The following PCDH15 variants were observed in gnomAD, a reference collection of about 807,000 sequenced individuals.
PCDH15 encodes protocadherin related 15.
PCDH15 carries 129 observed loss-of-function variants against 178.5 expected under a neutral mutation model. The ratio of observed to expected loss-of-function variants is 0.72; its 90% CI spans 0.63 to 0.84. The LOEUF (loss-of-function observed/expected upper bound fraction) is 0.84. Ranked by LOEUF, PCDH15 falls within the 40% of genes least tolerant of loss-of-function variation. The probability of loss-of-function intolerance (pLI) is 0.00; values close to 1 mark genes in which losing one functional copy is unlikely to be tolerated. For missense variants in PCDH15, 2,230 were observed against 2,099.9 expected (o/e 1.06, Z -1.21); for synonymous variants, 800 against 732.0 (o/e 1.09, Z -1.50).
At chr10:54,522,075 G>C (rs187437257) in intron 3 of PCDH15, among the ~76,000 whole-genome samples, 1 of 107,958 alleles carries the variant, frequency 9.3e-6, no homozygotes, top group African/African-American at 3.7e-5. Context: ...GTGACAGAGT[G>C]AGAATCCATC....
chr10:54,553,151 C>T (rs1429846483), intron 2 of PCDH15, among the ~76,000 whole-genome samples: 2 of 152,094 alleles, frequency 1.3e-5, no homozygotes, highest in African/African-American at 4.8e-5. Flanking sequence ...TTTTTGATTA[C>T]AATGTATTCC....
At chr10:54,609,164 G>GTT (rs994843328) in intron 2 of PCDH15, among the ~76,000 whole-genome samples, 1 of 151,988 alleles carries the variant, frequency 6.6e-6, no homozygotes, top group African/African-American at 2.4e-5. Context: ...GAGCACTACT[G>GTT]TTTTTGCTCA....
At chr10:53,813,442 C>A (rs1305680067) in intron 35 of PCDH15, among the ~76,000 whole-genome samples, 3 of 152,168 alleles carry the variant, frequency 2.0e-5, no homozygotes, top group African/African-American at 7.2e-5. Flanking sequence ...AATATTTAGA[C>A]AAACCCACGA....
rs193260256 is a variant in PCDH15 at position 53,924,824 on chromosome 10, A to G, written c.3373+13991T>C. On this transcript the variant is annotated intron_variant, in intron 25 of 37. Coordinates refer to ENST00000644397, the MANE Select transcript of PCDH15 (RefSeq NM_001384140.1). ...TAAGGGACTGTAAATACACCAAATCAGCACTCTGTGTCTAGCTCAAGGTTT... is the reference window on the plus strand; with the variant it reads ...TAAGGGACTGTAAATACACCAAATCGGCACTCTGTGTCTAGCTCAAGGTTT... 3.7e-3 allele frequency among the ~76,000 whole-genome samples: 565 copies of G among 152,346 alleles called. 1 individual carries two copies. Among genetic ancestry groups the G allele is most frequent in the African/African-American group, 0.013 (550 of 41,586 alleles).
chr10:54,760,832 G>A (rs778164346), intron 1 of PCDH15, among the ~76,000 whole-genome samples: 1 of 152,110 alleles, frequency 6.6e-6, no homozygotes, highest in African/African-American at 2.4e-5. Flanking sequence ...AAATGGCTGA[G>A]GAGTATGGGT....
At chr10:54,017,126 C>A (rs377706794) in intron 20 of PCDH15, among the ~76,000 whole-genome samples, 1 of 152,048 alleles carries the variant, frequency 6.6e-6, no homozygotes, top group Non-Finnish European at 1.5e-5. Flanking sequence ...CGGGTTCAAG[C>A]GATTCTCCTG....
At chr10:55,333,188 A>G (rs931006242) in intron 2 of PCDH15, among the ~76,000 whole-genome samples, 4 of 152,178 alleles carry the variant, frequency 2.6e-5, no homozygotes, top group African/African-American at 9.6e-5. Context: ...GAGAGAACTC[A>G]GAATTTATGT....
intron 2 of PCDH15, among the ~76,000 whole-genome samples, chr10:55,430,595 C>A (rs1057168005): frequency 1.3e-5 from 2 of 151,850 alleles, no homozygotes; most frequent in South Asian, 2.1e-4. Flanking sequence ...CTGTTTTTAC[C>A]CACGAAGGCC....
intron 1 of PCDH15, among the ~76,000 whole-genome samples, chr10:55,256,206 A>G (rs886832543): frequency 7.9e-5 from 12 of 152,222 alleles, no homozygotes; most frequent in African/African-American, 2.9e-4. Context: ...TTAAATAGGG[A>G]ATCCTTTCCC....
At chr10:54,936,692 A>G (rs1440479260) in intron 2 of PCDH15, among the ~76,000 whole-genome samples, 8 of 149,350 alleles carry the variant, frequency 5.4e-5, no homozygotes, top group Non-Finnish European at 1.0e-4. Flanking sequence ...AATAGTGTCT[A>G]TTACTTTTTT....
Position 55,018,932 on chromosome 10 carries a change from T to G in PCDH15, c.-79-121432A>C, listed in dbSNP as rs111670961. On this transcript the variant is annotated intron_variant, in intron 2 of 5. Coordinates refer to the PCDH15 transcript ENST00000458638. ...TAATACATGGCATAATTTAATATAG[T>G]TTTCTTTTCTCAGCAGAAAACATCC... Among the ~76,000 whole-genome samples the G allele has an allele frequency of 6.4e-3, 970 of 152,204 alleles. 13 individuals carry two copies. Among genetic ancestry groups the G allele is most frequent in the African/African-American group, 0.023 (943 of 41,532 alleles).
In PCDH15 at chr10:54,383,985, AT is replaced by A. The variant is rs59756150; in HGVS notation, c.158-5044del. On this transcript the variant is annotated intron_variant, in intron 3 of 37. Transcript: ENST00000644397. ...AGGCACCTGCCACCACAAACAGTTA[AT>A]TTTTTTTTTTTTTTTTTTTTTTTTT... is the stretch of plus-strand genomic sequence containing the variant. Among the ~76,000 whole-genome samples the A allele has an allele frequency of 7.9e-3, 1,020 of 128,892 alleles. 6 individuals are homozygous for A. The highest frequency in any genetic ancestry group is 0.029 in the African/African-American group (964 of 33,184). The allele number at this position is 128,892 out of a possible 152,430, so 84.6% of individuals were successfully genotyped here.
intron 2 of PCDH15, among the ~76,000 whole-genome samples, chr10:55,414,008 C>G (rs1445577682): frequency 6.6e-6 from 1 of 151,144 alleles, no homozygotes; most frequent in Non-Finnish European, 1.5e-5. Flanking sequence ...AATATTATAA[C>G]AGTTTATTAG....
At chr10:55,535,362 T>C (rs1466757722) in intron 2 of PCDH15, among the ~76,000 whole-genome samples, 1 of 152,024 alleles carries the variant, frequency 6.6e-6, no homozygotes, top group Admixed American at 6.6e-5. Flanking sequence ...CTAGATTAGA[T>C]GGAGAACAGA....
chr10:53,921,835 G>A (rs996808832), intron 25 of PCDH15, among the ~76,000 whole-genome samples: 3 of 152,066 alleles, frequency 2.0e-5, no homozygotes, highest in Non-Finnish European at 4.4e-5. Context: ...TACTAACCAT[G>A]CCAAAAATAG....
chr10:55,434,611 A>ATT (rs5785130), intron 2 of PCDH15, among the ~76,000 whole-genome samples: 1,966 of 148,268 alleles, frequency 0.013, 35 homozygotes, highest in African/African-American at 0.042. Flanking sequence ...CATGACATTA[A>ATT]TTTTTTTTTT....
At chr10:53,995,830 T>C (rs1056381465) in intron 20 of PCDH15, 65 bp from the exon 21 acceptor site, 5 of 1,391,018 alleles carry the variant, frequency 3.6e-6, no homozygotes, top group Middle Eastern at 2.0e-4. Flanking sequence ...AGTTACTAGA[T>C]TGACTCCCAG....
chr10:54,646,708 A>G (rs548081696), intron 2 of PCDH15, among the ~76,000 whole-genome samples: 8 of 152,028 alleles, frequency 5.3e-5, no homozygotes, highest in Non-Finnish European at 8.8e-5. Flanking sequence ...TGTTTTCATT[A>G]ATTTCTTTCA....
At chr10:55,243,215 A>C (rs989184835) in intron 1 of PCDH15, among the ~76,000 whole-genome samples, 1 of 152,194 alleles carries the variant, frequency 6.6e-6, no homozygotes, top group Admixed American at 6.5e-5. Flanking sequence ...TTCATATTCC[A>C]TTGAACTCTG....
Sources: gnomAD v4.1 joint callset for allele counts (sites outside exome capture counted in the v4.1 genomes callset) on GRCh38, gnomAD v4.1.1 for gene constraint, MANE v1.5 for transcripts, NCBI Gene and HGNC (gene_info 2026-07-23, HGNC 2026-07-21) for gene names.